Variants in C2CD5 observed in about 807,000 individuals in gnomAD.
The protein encoded by C2CD5 is C2 calcium dependent domain containing 5.
Under a neutral mutation model 130.3 loss-of-function variants are expected in C2CD5, and 109 were observed. The observed-to-expected ratio is 0.84, with a 90% CI of 0.72 to 0.98. The LOEUF (loss-of-function observed/expected upper bound fraction) is 0.98, where lower values mean the gene tolerates loss of function less well. Ranked by LOEUF, C2CD5 falls within the 50% of genes least tolerant of loss-of-function variation. The pLI is 0.00. For missense variants in C2CD5, 996 were observed against 1,261.8 expected (o/e 0.79, Z 3.19); for synonymous variants, 454 against 429.2 (o/e 1.06, Z -0.71).
At position 22,521,885 on chromosome 12, in the gene C2CD5, T is replaced by C. The variant is rs373242695; in HGVS notation, c.800+1541A>G. 1.9e-4 allele frequency among the ~76,000 whole-genome samples: 29 copies of C among 152,248 alleles called. 2 individuals are homozygous for C. The highest frequency in any genetic ancestry group is 7.0e-4 in the African/African-American group (29 of 41,554). On this transcript the variant is annotated intron_variant, in intron 7 of 26. Transcript: ENST00000446597. ...CTTTAAAAAAGATGGTGAAAAAACA[T>C]GTTTTTTCATACTATGATACCTTTC...
At chr12:22,475,007 G>A in intron 15 of C2CD5, 116 bp from the exon 16 acceptor site, 1 of 586,868 alleles carries the variant, frequency 1.7e-6, no homozygotes, top group East Asian at 3.2e-5. Context: ...AATATACTCA[G>A]TGAAGTCCGT....
At chr12:22,474,489 G>T (rs191312133) in intron 16 of C2CD5, among the ~76,000 whole-genome samples, 11 of 152,122 alleles carry the variant, frequency 7.2e-5, no homozygotes, top group African/African-American at 2.6e-4. Context: ...AACTTCAAAG[G>T]TTTAATACTA....
chr12:22,521,145 A>G (rs545908638), intron 7 of C2CD5, among the ~76,000 whole-genome samples: 3 of 152,164 alleles, frequency 2.0e-5, no homozygotes, highest in African/African-American at 7.2e-5. Flanking sequence ...AAATACCAGA[A>G]TAGTTATAAT....
chr12:22,460,142 C>T (rs1165919366), intron 22 of C2CD5, among the ~76,000 whole-genome samples: 1 of 152,194 alleles, frequency 6.6e-6, no homozygotes, highest in South Asian at 2.1e-4. Context: ...AAGCCAGTAT[C>T]ACTCCCTTTC....
intron 21 of C2CD5, 97 bp downstream of exon 21, chr12:22,470,727 A>G (rs1261262009): frequency 4.2e-6 from 3 of 711,306 alleles, no homozygotes; most frequent in African/African-American, 3.6e-5. Context: ...TCTTCAAGAA[A>G]TAAGTAATTT....
At position 22,454,020 on chromosome 12, in the gene C2CD5, AG is replaced by A. The variant is rs770592248; in HGVS notation, c.2899del (p.Leu967SerfsTer12). The A allele has an allele frequency of 1.9e-6, 3 of 1,613,702 alleles. No homozygotes were observed. The Admixed American group carries it at 5.0e-5, about 27-fold the overall frequency. On this transcript the variant is annotated frameshift_variant, in exon 26 of 27. Transcript: ENST00000446597. LOFTEE classifies it high-confidence loss of function. The part of the protein sequence containing the change: ...LREEGGVSGF[L>X]HAFIAEVFAM... Reference sequence around the variant, plus strand: ...AAACACTTCAGCAATAAAAGCATGGAGAAAACCACTGACTCCTCCTTCCTAA... The same window carrying A: ...AAACACTTCAGCAATAAAAGCATGGAAAAACCACTGACTCCTCCTTCCTAA...
intron 12 of C2CD5, among the ~76,000 whole-genome samples, chr12:22,489,120 C>T (rs530850937): frequency 1.3e-5 from 2 of 151,990 alleles, no homozygotes; most frequent in Admixed American, 1.3e-4. Flanking sequence ...AAGTGATCCA[C>T]CCACCTCAGC....
intron 8 of C2CD5, chr12:22,514,939 C>T (rs1390356082): frequency 6.1e-6 from 6 of 976,922 alleles, no homozygotes; most frequent in African/African-American, 3.5e-5. Flanking sequence ...GATTAAAAAG[C>T]TGACATAATG....
intron 19 of C2CD5, 79 bp downstream of exon 19, chr12:22,471,888 C>T: frequency 1.2e-6 from 1 of 810,812 alleles, no homozygotes; most frequent in Non-Finnish European, 2.2e-6. Flanking sequence ...TAAGGTATTA[C>T]AGACAATACA....
chr12:22,489,323 T>G (rs1271447835), intron 12 of C2CD5, among the ~76,000 whole-genome samples: 1 of 151,574 alleles, frequency 6.6e-6, no homozygotes, highest in Non-Finnish European at 1.5e-5. Flanking sequence ...TGTGTATATA[T>G]ATATATATTT....
rs1384992110 is a variant in C2CD5, at chr12:22,490,117, G to A, written c.1358+6C>T. On this transcript the variant is annotated splice_donor_region_variant and intron_variant, in intron 12 of 26. Transcript: ENST00000446597. The stretch of plus-strand genomic sequence containing the variant: ...TATAGAAAATAAGCCAGGCTGCCAT[G>A]ACAACCTCTGTTCCAAACAGCCTTC... The A allele has an allele frequency of 6.2e-7, 1 of 1,607,828 alleles. No individual in the cohort carries two copies. Among genetic ancestry groups the A allele is most frequent in the East Asian group, 2.2e-5 (1 of 44,834 alleles).
In C2CD5 at chr12:22,455,857, G is replaced by A. The variant is rs1190885294; in HGVS notation, c.2877+1114C>T. Among the ~76,000 whole-genome samples the A allele has an allele frequency of 2.0e-5, 3 of 151,968 alleles. 1 individual carries two copies. Among genetic ancestry groups the A allele is most frequent in the Non-Finnish European group, 4.4e-5 (3 of 67,986 alleles). On this transcript the variant is annotated intron_variant, in intron 25 of 26. Coordinates refer to ENST00000446597, the MANE Select transcript of C2CD5 (RefSeq NM_001286176.2). ...GTGCCACCATGCCCGGCTAATTTTT[G>A]TATTTATAGTAGAGAAGGGGTTTCG...
At chr12:22,462,170 A>G (rs988816409) in intron 22 of C2CD5, among the ~76,000 whole-genome samples, 1 of 152,232 alleles carries the variant, frequency 6.6e-6, no homozygotes, top group Non-Finnish European at 1.5e-5. Flanking sequence ...ATACTAAATT[A>G]AAAACAACAT....
intron 3 of C2CD5, among the ~76,000 whole-genome samples, chr12:22,532,761 T>G (rs1951424513): frequency 6.6e-6 from 1 of 152,334 alleles, no homozygotes; most frequent in Non-Finnish European, 1.5e-5. Context: ...TTTCCTTCCC[T>G]TGTTCTCTTT....
At chr12:22,535,432 A>T (rs10505884) in intron 2 of C2CD5, 88 bp from the exon 3 acceptor site, 72,179 of 716,560 alleles carry the variant, frequency 0.1, 8,687 homozygotes, top group African/African-American at 0.49. Flanking sequence ...ATAGAAGGAT[A>T]AACCATAAAG....
rs941218760 is a variant in C2CD5, at chr12:22,458,581, C to A, written c.2589G>T (p.Thr863=). Residue 863 remains threonine, a synonymous_variant, in exon 24 of 27, where the codon ACG becomes ACT. Coordinates refer to ENST00000446597, the MANE Select transcript of C2CD5 (RefSeq NM_001286176.2). ...NSGIPAAQRA[T]SVDYSSFADR... ...CTGCAAAGGAACTGTAATCAACTGACGTTGCTGAAAACACAGACAGAAAAC... is the reference window on the plus strand; with the variant it reads ...CTGCAAAGGAACTGTAATCAACTGAAGTTGCTGAAAACACAGACAGAAAAC... 1.5e-5 allele frequency: 19 copies of A among 1,263,812 alleles called. No individual in the cohort carries two copies. Among genetic ancestry groups the A allele is most frequent in the Non-Finnish European group, 1.7e-5 (17 of 1,001,200 alleles). The allele number at this position is 1,263,812 out of a possible 1,614,324, so 78.3% of individuals were successfully genotyped here.
At chr12:22,523,214 A>AAAAAAT (rs1362659732) in intron 7 of C2CD5, among the ~76,000 whole-genome samples, 4 of 152,174 alleles carry the variant, frequency 2.6e-5, no homozygotes. Context: ...ACCCTGTCAC[A>AAAAAAT]AAAAATAAAA....
chr12:22,458,295 G>T (rs1940384523), intron 24 of C2CD5, among the ~76,000 whole-genome samples, 189 bp downstream of exon 24: 1 of 152,116 alleles, frequency 6.6e-6, no homozygotes, highest in African/African-American at 2.4e-5. Flanking sequence ...AATTCTATAG[G>T]TAAAACTAAT....
At chr12:22,530,076 CTA>C (rs918605281) in intron 3 of C2CD5, among the ~76,000 whole-genome samples, 1,546 of 77,160 alleles carry the variant, frequency 0.02, 12 homozygotes, top group East Asian at 0.031. Context: ...TATTTGAGTG[CTA>C]TATATATATA....
Sources: allele counts gnomAD v4.1 joint callset (sites outside exome capture counted in the v4.1 genomes callset), GRCh38; gene constraint gnomAD v4.1.1; transcripts MANE v1.5; gene names NCBI Gene and HGNC (gene_info 2026-07-23, HGNC 2026-07-21).